SLC35F4: variants seen among roughly 807,000 people sequenced by gnomAD.
SLC35F4 encodes the protein chromosome 14 open reading frame 36.
A neutral mutation model predicts 44.2 loss-of-function variants in SLC35F4; 24 were observed. That is an observed-to-expected ratio of 0.54 (90% confidence interval 0.39 to 0.76). The LOEUF (loss-of-function observed/expected upper bound fraction) is 0.76. Among genes scored for constraint, SLC35F4 ranks in the 30% least tolerant of loss-of-function variants. The probability of loss-of-function intolerance (pLI) is 0.00; values close to 1 mark genes in which losing one functional copy is unlikely to be tolerated. For synonymous variants in SLC35F4, 238 were observed against 223.6 expected, an observed-to-expected ratio of 1.06 and a Z score of -0.57; for missense variants, 562 against 586.1, an observed-to-expected ratio of 0.96 and a Z score of 0.42.
intron 1 of SLC35F4, among the ~76,000 whole-genome samples, chr14:57,828,655 T>C (rs1211308485): frequency 6.6e-6 from 1 of 152,176 alleles, no homozygotes; most frequent in Non-Finnish European, 1.5e-5. Flanking sequence ...GTCCATTGTG[T>C]CACAGAATGT....
chr14:57,827,196 A>G (rs1883875070), intron 1 of SLC35F4, among the ~76,000 whole-genome samples: 1 of 152,322 alleles, frequency 6.6e-6, no homozygotes, highest in Admixed American at 6.5e-5. Context: ...GAACAAGACC[A>G]TGTCATTTGC....
intron 1 of SLC35F4, among the ~76,000 whole-genome samples, chr14:57,693,830 A>C (rs932012511): frequency 2.6e-5 from 4 of 152,002 alleles, no homozygotes; most frequent in African/African-American, 9.7e-5. Flanking sequence ...TAATCTGTGT[A>C]GGTTCTATGC....
chr14:57,631,653 A>G (rs1384957757), intron 1 of SLC35F4, among the ~76,000 whole-genome samples: 1 of 152,122 alleles, frequency 6.6e-6, no homozygotes, highest in Non-Finnish European at 1.5e-5. Flanking sequence ...TTGTGGTACC[A>G]AGAAATTTAA....
chr14:57,947,280 T>C (rs1890053356), intron 1 of SLC35F4, among the ~76,000 whole-genome samples: 1 of 151,542 alleles, frequency 6.6e-6, no homozygotes, highest in Admixed American at 6.6e-5. Flanking sequence ...GTTTGTTTGT[T>C]TGTTGGGAGC....
At chr14:57,702,636 C>T (rs2140370622) in intron 1 of SLC35F4, among the ~76,000 whole-genome samples, 1 of 152,228 alleles carries the variant, frequency 6.6e-6, no homozygotes, top group African/African-American at 2.4e-5. Flanking sequence ...GTCAACTCCA[C>T]CTCTAATTTA....
intron 1 of SLC35F4, among the ~76,000 whole-genome samples, chr14:57,954,963 A>C (rs984816443): frequency 8.2e-4 from 124 of 151,744 alleles, no homozygotes; most frequent in Middle Eastern, 3.4e-3. Flanking sequence ...AAAAAAAAAA[A>C]AAAAAACCTG....
At chr14:57,857,122 CA>C (rs1414118829) in intron 1 of SLC35F4, among the ~76,000 whole-genome samples, 1 of 151,708 alleles carries the variant, frequency 6.6e-6, no homozygotes, top group African/African-American at 2.4e-5. Flanking sequence ...CTAAAAAATA[CA>C]AAAATTAGCT....
At chr14:57,790,812 G>C (rs567639176) in intron 1 of SLC35F4, among the ~76,000 whole-genome samples, 1 of 152,022 alleles carries the variant, frequency 6.6e-6, no homozygotes, top group Admixed American at 6.6e-5. Context: ...ACAGAACAGA[G>C]GCCTCAGAAA....
chr14:57,836,187 T>G (rs146516358), intron 1 of SLC35F4, among the ~76,000 whole-genome samples: 1 of 152,168 alleles, frequency 6.6e-6, no homozygotes, highest in Non-Finnish European at 1.5e-5. Context: ...CTTACCTACA[T>G]ACCACCCATA....
intron 1 of SLC35F4, among the ~76,000 whole-genome samples, chr14:57,959,597 A>G (rs987867833): frequency 6.6e-6 from 1 of 152,184 alleles, no homozygotes; most frequent in Non-Finnish European, 1.5e-5. Flanking sequence ...AGCCATGACA[A>G]ATGTGACCAC....
chr14:57,954,354 A>T (rs867243782), intron 1 of SLC35F4, among the ~76,000 whole-genome samples: 1 of 152,182 alleles, frequency 6.6e-6, no homozygotes, highest in African/African-American at 2.4e-5. Flanking sequence ...TAACATCACA[A>T]TTAAAAGAAC....
chr14:57,700,222 G>C (rs988419240), intron 1 of SLC35F4, among the ~76,000 whole-genome samples: 1 of 152,112 alleles, frequency 6.6e-6, no homozygotes, highest in Non-Finnish European at 1.5e-5. Flanking sequence ...AACCCCTACA[G>C]CATGTTACCG....
At chr14:57,965,535 C>T (rs1396521960) in intron 1 of SLC35F4, among the ~76,000 whole-genome samples, 1 of 152,144 alleles carries the variant, frequency 6.6e-6, no homozygotes, top group Non-Finnish European at 1.5e-5. Context: ...TTTGGGGAGG[C>T]AATTTTTCTG....
At chr14:57,596,950 C>A in intron 1 of SLC35F4, 1 of 1,269,348 alleles carries the variant, frequency 7.9e-7, no homozygotes, top group Non-Finnish European at 1.0e-6. Flanking sequence ...ACTTCCAAGC[C>A]AGACCTGGAG....
chr14:57,660,721 C>T (rs192273400), intron 1 of SLC35F4, among the ~76,000 whole-genome samples: 9 of 152,198 alleles, frequency 5.9e-5, no homozygotes, highest in Admixed American at 1.3e-4. Flanking sequence ...ATATTGTGAG[C>T]ATTCTGAGAA....
intron 1 of SLC35F4, among the ~76,000 whole-genome samples, chr14:57,954,160 C>T (rs915070390): frequency 6.6e-6 from 1 of 152,140 alleles, no homozygotes. Flanking sequence ...AACTGAACAA[C>T]CTGCTCCTGA....
chr14:57,865,588 A>C (rs58495290), intron 1 of SLC35F4, 135 bp downstream of exon 1: 27,582 of 653,982 alleles, frequency 0.042, 3,790 homozygotes, highest in African/African-American at 0.35. Context: ...CCCCGCCGCC[A>C]GGAAGGCGGT....
intron 1 of SLC35F4, among the ~76,000 whole-genome samples, chr14:57,823,468 G>C (rs1034384003): frequency 6.6e-6 from 1 of 152,176 alleles, no homozygotes; most frequent in Non-Finnish European, 1.5e-5. Context: ...TAGCATATTT[G>C]AATCACGCTC....
chr14:57,573,745 T>G, intron 4 of SLC35F4, among the ~76,000 whole-genome samples: 1 of 152,186 alleles, frequency 6.6e-6, no homozygotes, highest in Non-Finnish European at 1.5e-5. Context: ...CATATCCTGA[T>G]TTGGTTTTGT....
Sources: gnomAD v4.1 joint callset for allele counts (sites outside exome capture counted in the v4.1 genomes callset) on GRCh38, gnomAD v4.1.1 for gene constraint, MANE v1.5 for transcripts, NCBI Gene and HGNC (gene_info 2026-07-23, HGNC 2026-07-21) for gene names.